CNTNAP2: variants seen among roughly 807,000 people sequenced by gnomAD.
CNTNAP2 encodes the protein contactin-associated protein-like 2.
A neutral mutation model predicts 155.2 loss-of-function variants in CNTNAP2; 98 were observed. The ratio of observed to expected loss-of-function variants is 0.63; its 90% CI spans 0.54 to 0.75. The LOEUF is 0.75. CNTNAP2 is among the 30% of genes least tolerant of loss of function. The pLI, the probability that CNTNAP2 is intolerant of heterozygous loss-of-function variation, is 0.00. For missense variants in CNTNAP2, 1,727 were observed against 1,688.1 expected (o/e 1.02, Z -0.40); for synonymous variants, 651 against 631.2 (o/e 1.03, Z -0.47).
At chr7:147,587,513 G>A (rs896677758) in intron 12 of CNTNAP2, among the ~76,000 whole-genome samples, 1 of 152,102 alleles carries the variant, frequency 6.6e-6, no homozygotes, top group Admixed American at 6.5e-5. Context: ...ACTTGATCTA[G>A]TTTGGATTTT....
At chr7:146,775,066 C>T (rs2129186085) in intron 2 of CNTNAP2, among the ~76,000 whole-genome samples, 1 of 152,150 alleles carries the variant, frequency 6.6e-6, no homozygotes, top group Non-Finnish European at 1.5e-5. Context: ...AGGAAAGAAA[C>T]AATATTATCT....
intron 13 of CNTNAP2, among the ~76,000 whole-genome samples, chr7:147,870,159 A>G (rs995335400): frequency 2.6e-5 from 4 of 152,104 alleles, no homozygotes; most frequent in Non-Finnish European, 5.9e-5. Context: ...TGTGCAAGAG[A>G]TTTATGGTAT....
At chr7:147,049,857 G>C (rs1799440199) in intron 4 of CNTNAP2, among the ~76,000 whole-genome samples, 1 of 152,078 alleles carries the variant, frequency 6.6e-6, no homozygotes, top group Non-Finnish European at 1.5e-5. Flanking sequence ...TCTTTCCTTT[G>C]TGCAGTTCCT....
intron 1 of CNTNAP2, among the ~76,000 whole-genome samples, chr7:146,381,158 C>T (rs1199359164): frequency 1.3e-5 from 2 of 151,972 alleles, no homozygotes; most frequent in South Asian, 2.1e-4. Context: ...TTTCTTTGGC[C>T]CATGAGATAT....
chr7:146,222,541 AGT>A (rs10616515), intron 1 of CNTNAP2, among the ~76,000 whole-genome samples: 23,677 of 147,052 alleles, frequency 0.16, 1,977 homozygotes, highest in African/African-American at 0.23. Context: ...ACTAAAGCAT[AGT>A]GTGTGTGTGT....
At chr7:148,260,171 C>A (rs1796533267) in intron 20 of CNTNAP2, among the ~76,000 whole-genome samples, 1 of 152,132 alleles carries the variant, frequency 6.6e-6, no homozygotes, top group African/African-American at 2.4e-5. Context: ...GCTTTTCTCG[C>A]TATATCTGAT....
chr7:146,611,922 G>A (rs1799145023), intron 1 of CNTNAP2, among the ~76,000 whole-genome samples: 1 of 152,106 alleles, frequency 6.6e-6, no homozygotes, highest in African/African-American at 2.4e-5. Context: ...TTTCAATATT[G>A]AAAGGATTTG....
intron 1 of CNTNAP2, among the ~76,000 whole-genome samples, chr7:146,689,641 T>C (rs1800663679): frequency 6.6e-6 from 1 of 152,164 alleles, no homozygotes. Context: ...TTGTGCTGAC[T>C]GCCACGCATG....
At chr7:147,656,111 C>G (rs556269501) in intron 13 of CNTNAP2, among the ~76,000 whole-genome samples, 69 of 152,356 alleles carry the variant, frequency 4.5e-4, no homozygotes, top group Middle Eastern at 3.4e-3. Context: ...TCTCACCTTT[C>G]TGAGCCTTCA....
At chr7:147,318,680 G>A (rs529078678) in intron 9 of CNTNAP2, among the ~76,000 whole-genome samples, 2 of 152,078 alleles carry the variant, frequency 1.3e-5, no homozygotes, top group African/African-American at 4.8e-5. Context: ...GGGGGGCAAG[G>A]GGAGGGAGAG....
intron 13 of CNTNAP2, among the ~76,000 whole-genome samples, chr7:147,813,787 G>A (rs112860483): frequency 0.013 from 2,039 of 152,284 alleles, 44 homozygotes; most frequent in African/African-American, 0.046. Flanking sequence ...TAAGAAGTCT[G>A]AAGTAATTTT....
At chr7:146,873,111 G>T (rs989632506) in intron 3 of CNTNAP2, among the ~76,000 whole-genome samples, 1 of 152,154 alleles carries the variant, frequency 6.6e-6, no homozygotes, top group Non-Finnish European at 1.5e-5. Flanking sequence ...GAGAATTGTT[G>T]ATGTCTTTTC....
chr7:147,802,896 A>G (rs867467688), intron 13 of CNTNAP2, among the ~76,000 whole-genome samples: 2 of 151,994 alleles, frequency 1.3e-5, no homozygotes, highest in African/African-American at 4.8e-5. Flanking sequence ...ACTTCTCAAA[A>G]CCCTCACTTC....
chr7:146,912,422 A>C (rs1325921983), intron 3 of CNTNAP2, among the ~76,000 whole-genome samples: 1 of 152,128 alleles, frequency 6.6e-6, no homozygotes, highest in South Asian at 2.1e-4. Context: ...TTTTTTATCC[A>C]TAATAAGAAA....
chr7:148,042,640 G>T (rs1374652996), intron 15 of CNTNAP2, among the ~76,000 whole-genome samples: 2 of 152,130 alleles, frequency 1.3e-5, no homozygotes, highest in Non-Finnish European at 2.9e-5. Flanking sequence ...CTTATTTGCT[G>T]CTTTTCACAG....
intron 8 of CNTNAP2, among the ~76,000 whole-genome samples, chr7:147,298,894 AGGT>A (rs933526218): frequency 6.6e-6 from 1 of 152,250 alleles, no homozygotes; most frequent in African/African-American, 2.4e-5. Context: ...ATAGAAAAGC[AGGT>A]GGCAGCAAGC....
chr7:147,872,589 G>C (rs184080411), intron 13 of CNTNAP2, among the ~76,000 whole-genome samples: 4 of 149,762 alleles, frequency 2.7e-5, no homozygotes, highest in Non-Finnish European at 5.9e-5. Flanking sequence ...TGTTTTGGCC[G>C]TAACTTTCTA....
intron 8 of CNTNAP2, among the ~76,000 whole-genome samples, chr7:147,262,225 A>C (rs949566616): frequency 6.6e-6 from 1 of 152,200 alleles, no homozygotes; most frequent in Non-Finnish European, 1.5e-5. Context: ...CGTTTAAAAA[A>C]CCTGCAATGA....
intron 13 of CNTNAP2, among the ~76,000 whole-genome samples, chr7:147,832,852 T>C (rs1004337892): frequency 6.8e-6 from 1 of 147,726 alleles, no homozygotes; most frequent in African/African-American, 2.5e-5. Context: ...GATCATTATA[T>C]TTATACATAT....
Sources: gnomAD v4.1 joint callset for allele counts (sites outside exome capture counted in the v4.1 genomes callset) on GRCh38, gnomAD v4.1.1 for gene constraint, MANE v1.5 for transcripts, NCBI Gene and HGNC (gene_info 2026-07-23, HGNC 2026-07-21) for gene names.